Variants in SULF1 observed in about 807,000 individuals in gnomAD.
SULF1 encodes the protein extracellular sulfatase Sulf-1.
In SULF1, 46 loss-of-function variants were observed where a neutral mutation model predicts 110.5. The ratio of observed to expected loss-of-function variants is 0.42; its 90% confidence interval spans 0.33 to 0.53. The LOEUF (loss-of-function observed/expected upper bound fraction) is 0.53. SULF1 is among the 20% of genes least tolerant of loss of function. SULF1 has a pLI of 0.12. For missense variants in SULF1, 941 were observed against 1,094.2 expected (o/e 0.86, Z 1.98); for synonymous variants, 371 against 387.1 (o/e 0.96, Z 0.49).
intron 19 of SULF1, among the ~76,000 whole-genome samples, chr8:69,633,451 C>G (rs1366664664): frequency 6.6e-6 from 1 of 151,584 alleles, no homozygotes. Context: ...GCCTCAGCCT[C>G]CCAAGTAGCT....
chr8:69,653,298 G>C (rs115373504), intron 22 of SULF1, among the ~76,000 whole-genome samples: 3,276 of 152,214 alleles, frequency 0.022, 102 homozygotes, highest in African/African-American at 0.075. Context: ...TTAAACTCCT[G>C]GGCTCACGCA....
intron 6 of SULF1, among the ~76,000 whole-genome samples, chr8:69,581,233 C>G (rs1806040056): frequency 6.6e-6 from 1 of 152,140 alleles, no homozygotes. Context: ...AAATCCATCA[C>G]CCTAAGTCTA....
chr8:69,652,068 T>C (rs968205551), intron 22 of SULF1, among the ~76,000 whole-genome samples: 3 of 152,156 alleles, frequency 2.0e-5, no homozygotes, highest in East Asian at 3.9e-4. Flanking sequence ...AATACAAAAA[T>C]GTAGCCAATC....
At chr8:69,478,140 A>G (rs1298965221) in intron 1 of SULF1, among the ~76,000 whole-genome samples, 3 of 152,158 alleles carry the variant, frequency 2.0e-5, no homozygotes, top group African/African-American at 7.2e-5. Flanking sequence ...GGTGCAAGCC[A>G]CTGTACCCAG....
intron 3 of SULF1, among the ~76,000 whole-genome samples, chr8:69,546,003 G>C (rs1441273384): frequency 6.6e-6 from 1 of 152,094 alleles, no homozygotes; most frequent in Admixed American, 6.6e-5. Flanking sequence ...CCTCCACACT[G>C]TTTTATAGAA....
chr8:69,527,679 A>T (rs1812792570), intron 3 of SULF1, among the ~76,000 whole-genome samples: 1 of 152,176 alleles, frequency 6.6e-6, no homozygotes, highest in Non-Finnish European at 1.5e-5. Flanking sequence ...GATAGAGTGA[A>T]CAAAAAATAA....
At chr8:69,537,559 A>G (rs1239873803) in intron 3 of SULF1, among the ~76,000 whole-genome samples, 2 of 152,192 alleles carry the variant, frequency 1.3e-5, no homozygotes, top group African/African-American at 4.8e-5. Flanking sequence ...TCTTAGGGGT[A>G]CCCCAAGAAT....
Position 69,653,068 on chromosome 8 carries a change from C to A in SULF1, c.2586-5437C>A, listed in dbSNP as rs114065707. ...TTCTCACTGAGGTCTGCAAAGTAGT[C>A]TCTTGTTTTTATTTTTTTTTTAAGA... On this transcript the variant is annotated intron_variant, in intron 22 of 22. Transcript: ENST00000402687. Among the ~76,000 whole-genome samples, 222 of 152,140 alleles carry A rather than the reference C, an allele frequency of 1.5e-3. 1 individual carries two copies. Among genetic ancestry groups the A allele is most frequent in the African/African-American group, 4.9e-3 (202 of 41,520 alleles).
intron 3 of SULF1, among the ~76,000 whole-genome samples, chr8:69,532,408 A>G (rs546094835): frequency 8.5e-5 from 13 of 152,282 alleles, no homozygotes; most frequent in East Asian, 1.9e-4. Context: ...GGACAACAAT[A>G]TGAATGTAAT....
upstream of SULF1, among the ~76,000 whole-genome samples, chr8:69,489,180 ATGAGACTCATG>A (rs1586208092): frequency 6.6e-6 from 1 of 152,212 alleles, no homozygotes; most frequent in Non-Finnish European, 1.5e-5. Flanking sequence ...ACCGACTTAT[ATGAGACTCATG>A]TTCCCTTGAC....
intron 19 of SULF1, 134 bp from the exon 20 acceptor site, chr8:69,638,368 C>T (rs1405625626): frequency 1.8e-6 from 2 of 1,082,120 alleles, no homozygotes; most frequent in African/African-American, 3.2e-5. Context: ...TTATTCTTAA[C>T]ATGAAACCAC....
chr8:69,604,997 T>G (rs1808127562), intron 13 of SULF1, 65 bp downstream of exon 13: 35 of 1,593,016 alleles, frequency 2.2e-5, no homozygotes, highest in Non-Finnish European at 2.9e-5. Context: ...TAGAAAATTG[T>G]CCACATATAA....
intron 3 of SULF1, among the ~76,000 whole-genome samples, chr8:69,550,840 C>T (rs1814657666): frequency 6.6e-6 from 1 of 152,200 alleles, no homozygotes; most frequent in Admixed American, 6.5e-5. Context: ...TTTCAGCCCA[C>T]TGCACCTGGT....
chr8:69,651,868 G>A (rs1021512134), intron 22 of SULF1, among the ~76,000 whole-genome samples: 1 of 151,834 alleles, frequency 6.6e-6, no homozygotes, highest in Admixed American at 6.6e-5. Context: ...TCTTATTACT[G>A]CTGTAATAAA....
At chr8:69,489,981 C>T (rs2150552419), upstream of SULF1, among the ~76,000 whole-genome samples, 1 of 152,208 alleles carries the variant, frequency 6.6e-6, no homozygotes, top group South Asian at 2.1e-4. Flanking sequence ...CTGTCTGAAA[C>T]TACTGGCCTC....
intron 14 of SULF1, among the ~76,000 whole-genome samples, chr8:69,622,579 C>T (rs1226750576): frequency 1.3e-5 from 2 of 149,778 alleles, no homozygotes; most frequent in South Asian, 2.1e-4. Context: ...AGCAAGACTC[C>T]GTCTCAAAAA....
rs1460951445 is a variant in SULF1 at position 69,660,607 on chromosome 8, T to C, written c.*2072T>C. The C allele has an allele frequency of 6.6e-6, 1 of 152,666 alleles. No individual in the cohort carries two copies. The highest frequency in any genetic ancestry group is 1.5e-5 in the Non-Finnish European group (1 of 68,038). 9.5% of individuals were successfully genotyped at this position (152,666 alleles called of 1,614,324 possible). ...TTATGTTTTCTTTAAGTGTTTATGG[T>C]AAACTCTTTTAAAGAAAATTTAATA... On this transcript the variant is annotated 3_prime_UTR_variant, in exon 23 of 23. Coordinates refer to ENST00000402687, the MANE Select transcript of SULF1 (RefSeq NM_001128205.2).
At position 69,604,794 on chromosome 8, in the gene SULF1, T is replaced by C; in HGVS notation, c.1248-9T>C. On this transcript the variant is annotated splice_polypyrimidine_tract_variant and intron_variant, in intron 12 of 22. Transcript: ENST00000402687. ...TCTCATGTACGAAGCTTTTCCCTTT[T>C]TGTCGAAGCAAATTTCTACGTAAGA... The C allele has an allele frequency of 6.2e-7, 1 of 1,613,850 alleles. No homozygotes were observed. The highest frequency in any genetic ancestry group is 8.5e-7 in the Non-Finnish European group (1 of 1,179,952).
At chr8:69,656,921 T>A in intron 22 of SULF1, among the ~76,000 whole-genome samples, 1 of 152,238 alleles carries the variant, frequency 6.6e-6, no homozygotes, top group East Asian at 1.9e-4. Context: ...ATGGTTGAAC[T>A]AATTTATACT....
Sources: gnomAD v4.1 joint callset for allele counts (sites outside exome capture counted in the v4.1 genomes callset) on GRCh38, gnomAD v4.1.1 for gene constraint, MANE v1.5 for transcripts, NCBI Gene and HGNC (gene_info 2026-07-23, HGNC 2026-07-21) for gene names.